The following COL22A1 variants were observed in gnomAD, a reference collection of about 807,000 sequenced individuals.
The protein encoded by COL22A1 is collagen alpha-1(XXII) chain.
In COL22A1, 221 loss-of-function variants were observed where a neutral mutation model predicts 248.9. The ratio of observed to expected loss-of-function variants is 0.89; its 90% CI spans 0.80 to 0.99. The LOEUF is 0.99. Among genes scored for constraint, COL22A1 ranks in the 50% least tolerant of loss-of-function variants. COL22A1 has a pLI of 0.00. For missense variants in COL22A1, 2,240 were observed against 2,179.0 expected (o/e 1.03, Z -0.56); for synonymous variants, 891 against 793.4 (o/e 1.12, Z -2.07).
At chr8:138,654,042 A>G (rs182228547) in intron 45 of COL22A1, among the ~76,000 whole-genome samples, 1 of 152,308 alleles carries the variant, frequency 6.6e-6, no homozygotes, top group East Asian at 1.9e-4. Flanking sequence ...GTGAGGAAAT[A>G]TTGATTTGAC....
At chr8:138,859,691 G>A (rs1036568572) in intron 3 of COL22A1, among the ~76,000 whole-genome samples, 1 of 152,132 alleles carries the variant, frequency 6.6e-6, no homozygotes, top group African/African-American at 2.4e-5. Context: ...CCTCCTTCCA[G>A]GGCACCCACT....
chr8:138,731,344 C>T (rs2131214399), intron 23 of COL22A1, among the ~76,000 whole-genome samples: 1 of 152,170 alleles, frequency 6.6e-6, no homozygotes, highest in African/African-American at 2.4e-5. Flanking sequence ...CCTTAGCAGC[C>T]AATGGTAGGA....
intron 23 of COL22A1, among the ~76,000 whole-genome samples, chr8:138,735,404 A>G (rs1410479586): frequency 6.6e-6 from 1 of 152,184 alleles, no homozygotes; most frequent in Non-Finnish European, 1.5e-5. Context: ...GGTAATATTT[A>G]TATCTATAGC....
intron 1 of COL22A1, among the ~76,000 whole-genome samples, chr8:138,906,987 T>G (rs2132189679): frequency 6.6e-6 from 1 of 152,324 alleles, no homozygotes; most frequent in South Asian, 2.1e-4. Context: ...GTGGCATTTC[T>G]TTTCTTCCAA....
intron 3 of COL22A1, among the ~76,000 whole-genome samples, chr8:138,864,606 A>T (rs1358188905): frequency 6.6e-6 from 1 of 152,238 alleles, no homozygotes; most frequent in Non-Finnish European, 1.5e-5. Flanking sequence ...TCTACAAGAT[A>T]TAAATAGGAG....
intron 35 of COL22A1, among the ~76,000 whole-genome samples, chr8:138,692,338 ATG>A (rs1191910519): frequency 1.7e-4 from 8 of 47,240 alleles, no homozygotes; most frequent in African/African-American, 6.8e-4. Context: ...ATGTTTGTGG[ATG>A]TGTGTATGTG....
intron 1 of COL22A1, among the ~76,000 whole-genome samples, chr8:138,900,020 C>G (rs896734448): frequency 2.9e-4 from 44 of 152,126 alleles, no homozygotes; most frequent in African/African-American, 9.9e-4. Flanking sequence ...ACTGTACTGG[C>G]TGTTTCTCCT....
chr8:138,714,943 C>G (rs1408276263), intron 30 of COL22A1, among the ~76,000 whole-genome samples: 1 of 152,140 alleles, frequency 6.6e-6, no homozygotes, highest in Admixed American at 6.5e-5. Context: ...CCGCTGGTGC[C>G]TCCATTGCCC....
chr8:138,801,365 G>C (rs1050735392), intron 11 of COL22A1, among the ~76,000 whole-genome samples: 2 of 152,168 alleles, frequency 1.3e-5, no homozygotes, highest in African/African-American at 4.8e-5. Context: ...TAGGATGCAC[G>C]TGCCAAGAGT....
At chr8:138,745,067 T>C (rs548742123) in intron 22 of COL22A1, among the ~76,000 whole-genome samples, 77 of 152,346 alleles carry the variant, frequency 5.1e-4, no homozygotes, top group African/African-American at 1.8e-3. Context: ...CATTCACGTT[T>C]CTGGATATAT....
intron 9 of COL22A1, among the ~76,000 whole-genome samples, chr8:138,809,747 T>C (rs1818049388): frequency 6.6e-6 from 1 of 152,004 alleles, no homozygotes; most frequent in Admixed American, 6.5e-5. Context: ...CTCAAACTCC[T>C]GATCTCGTGA....
chr8:138,802,848 G>T, intron 11 of COL22A1, 24 bp downstream of exon 11: 1 of 1,603,552 alleles, frequency 6.2e-7, no homozygotes, highest in Non-Finnish European at 8.5e-7. Flanking sequence ...GTTCAGCCAT[G>T]TAGAGGAGCA....
At chr8:138,840,848 GC>G (rs1315623854) in intron 4 of COL22A1, among the ~76,000 whole-genome samples, 2 of 152,176 alleles carry the variant, frequency 1.3e-5, no homozygotes, top group Admixed American at 1.3e-4. Flanking sequence ...CTGAGCTTAA[GC>G]AATTCACCTG....
chr8:138,606,349 T>C, intron 58 of COL22A1, 32 bp downstream of exon 58: 2 of 1,592,734 alleles, frequency 1.3e-6, no homozygotes, highest in South Asian at 1.1e-5. Context: ...TGGAGCCAGG[T>C]ATCTTGGGCC....
chr8:138,722,774 C>A (rs558585430), intron 25 of COL22A1, among the ~76,000 whole-genome samples: 1 of 149,520 alleles, frequency 6.7e-6, no homozygotes, highest in Non-Finnish European at 1.5e-5. Flanking sequence ...CACCTCCAGG[C>A]TCCTTCCACT....
intron 6 of COL22A1, among the ~76,000 whole-genome samples, chr8:138,821,661 G>C (rs1342150817): frequency 1.3e-5 from 2 of 152,098 alleles, no homozygotes; most frequent in Non-Finnish European, 1.5e-5. Context: ...GTATTAAAAG[G>C]AATAATTGCA....
At chr8:138,709,177 T>C (rs2063278402) in intron 30 of COL22A1, among the ~76,000 whole-genome samples, 2 of 152,194 alleles carry the variant, frequency 1.3e-5, no homozygotes, top group Admixed American at 6.5e-5. Flanking sequence ...GGAACACTTT[T>C]ACACTGTTGG....
chr8:138,619,708 C>T (rs917181876), intron 52 of COL22A1, among the ~76,000 whole-genome samples, 200 bp from the exon 53 acceptor site: 1 of 152,134 alleles, frequency 6.6e-6, no homozygotes, highest in African/African-American at 2.4e-5. Flanking sequence ...TCCTGGGTTT[C>T]CTGGGATGGT....
At chr8:138,894,580 G>A (rs758594149) in intron 1 of COL22A1, among the ~76,000 whole-genome samples, 1 of 152,136 alleles carries the variant, frequency 6.6e-6, no homozygotes, top group Non-Finnish European at 1.5e-5. Context: ...GAGATCAAAG[G>A]CAGATGGGCA....
Sources: gnomAD v4.1 joint callset for allele counts (sites outside exome capture counted in the v4.1 genomes callset) on GRCh38, gnomAD v4.1.1 for gene constraint, MANE v1.5 for transcripts, NCBI Gene and HGNC (gene_info 2026-07-23, HGNC 2026-07-21) for gene names.